TERT: variants seen among roughly 807,000 people sequenced by gnomAD.
The protein encoded by TERT is telomerase reverse transcriptase, also known as telomerase catalytic subunit.
Under a neutral mutation model 104.0 loss-of-function variants are expected in TERT, and 42 were observed. The observed-to-expected ratio is 0.40, with a 90% CI of 0.32 to 0.52. TERT has a LOEUF of 0.52. Ranked by LOEUF, TERT falls within the 20% of genes least tolerant of loss-of-function variation. The pLI, the probability that TERT is intolerant of heterozygous loss-of-function variation, is 0.43. For missense variants in TERT, 1,101 were observed against 1,610.3 expected (o/e 0.68, Z 5.41); for synonymous variants, 781 against 725.6 (o/e 1.08, Z -1.23).
intron 2 of TERT, among the ~76,000 whole-genome samples, chr5:1,291,603 AGTG>A (rs1750975645): frequency 1.7e-3 from 7 of 4,020 alleles, no homozygotes; most frequent in Admixed American, 2.6e-3. Flanking sequence ...ACCCGGGGAC[AGTG>A]CCTCACTCAC....
rs1060503010 is a variant in TERT at position 1,280,201 on chromosome 5, A to G, written c.1907T>C (p.Met636Thr). 2.5e-6 allele frequency: 4 copies of G among 1,613,940 alleles called. No individual in the cohort carries two copies. Among genetic ancestry groups the G allele is most frequent in the Non-Finnish European group, 3.4e-6 (4 of 1,180,032 alleles). ...CGTTCTGGCTCCCACGACGTAGTCC[A>G]TGTTCACAATCGGCCGCAGCCCGTC... ...KPDGLRPIVN[M>T]DYVVGARTFR... The change falls in exon 4 of 16, where the codon ATG (methionine) becomes ACG (threonine). Residue 636 changes from methionine to threonine, a missense_variant. By Grantham distance (81) the Met-to-Thr change is moderately conservative. Transcript: ENST00000310581.
intron 10 of TERT, among the ~76,000 whole-genome samples, chr5:1,266,015 C>T (rs112601587): frequency 3.2e-4 from 48 of 152,348 alleles, no homozygotes; most frequent in Admixed American, 8.5e-4. Flanking sequence ...CACGCAGGAA[C>T]GTGACCGCAG....
rs1747661483 is a variant in TERT at position 1,255,500 on chromosome 5, G to C, written c.3033-89C>G. Reference sequence around the variant, plus strand: ...GGCATGGGCCCACCGGTGCCTGTGTGCGTGCATGAATGCACATGCATGGGT... The same window carrying C: ...GGCATGGGCCCACCGGTGCCTGTGTCCGTGCATGAATGCACATGCATGGGT... On this transcript the variant is annotated intron_variant, in intron 13 of 15. Transcript: ENST00000310581. This position sits in a 1 kb window ranked among gnomAD's most constrained non-coding sequence, Gnocchi z 6.9. 1.3e-6 allele frequency: 2 copies of C among 1,560,918 alleles called. No individual in the cohort carries two copies. Among genetic ancestry groups the C allele is most frequent in the Admixed American group, 1.7e-5 (1 of 59,082 alleles).
At chr5:1,272,601 C>T (rs1304044280) in intron 6 of TERT, among the ~76,000 whole-genome samples, 27 of 29,412 alleles carry the variant, frequency 9.2e-4, no homozygotes, top group Non-Finnish European at 1.7e-3. Context: ...CCGCCATCCA[C>T]AGTCACCACA....
chr5:1,279,631 G>A (rs896590989), intron 4 of TERT, among the ~76,000 whole-genome samples, 161 bp from the exon 5 acceptor site: 6 of 152,158 alleles, frequency 3.9e-5, no homozygotes, highest in African/African-American at 1.2e-4. Context: ...TGTTTGAAAC[G>A]GGTTCCTGGC....
intron 11 of TERT, among the ~76,000 whole-genome samples, chr5:1,264,007 C>T (rs575053357): frequency 2.0e-5 from 3 of 152,070 alleles, no homozygotes; most frequent in Non-Finnish European, 2.9e-5. Context: ...GAGAGACTCA[C>T]GCCCAGCAGG....
At chr5:1,267,178 G>A (rs1402900836) in intron 9 of TERT, among the ~76,000 whole-genome samples, 1 of 152,198 alleles carries the variant, frequency 6.6e-6, no homozygotes, top group South Asian at 2.1e-4. Context: ...GAAGAACCTT[G>A]ATCCACTGTA....
rs1203141544 is a variant in TERT, at chr5:1,270,460, G to A, written c.2468+659C>T. ...GGCAGATGCCTGCCGGGAGGTGTGT[G>A]GTTTTACTTAAAATCCAGAGGACGT... On this transcript the variant is annotated intron_variant, in intron 8 of 15. Transcript: ENST00000310581. This position sits in a 1 kb window ranked among gnomAD's most constrained non-coding sequence, Gnocchi z 8.3. 6.6e-6 allele frequency among the ~76,000 whole-genome samples: 1 copy of A among 152,168 alleles called. No homozygotes were observed. The highest frequency in any genetic ancestry group is 1.5e-5 in the Non-Finnish European group (1 of 68,024).
intron 6 of TERT, among the ~76,000 whole-genome samples, chr5:1,272,585 CTACGACCG>C (rs1749147165): frequency 1.8e-4 from 7 of 38,912 alleles, no homozygotes; most frequent in Admixed American, 2.2e-4. Flanking sequence ...ACATCAGACC[CTACGACCG>C]CCATCCACAG....
In TERT at chr5:1,286,566, T is replaced by A. The variant is rs1357155317; in HGVS notation, c.1574-3942A>T. Among the ~76,000 whole-genome samples, 1 of 152,124 alleles carries A rather than the reference T, an allele frequency of 6.6e-6. No individual in the cohort carries two copies. Among genetic ancestry groups the A allele is most frequent in the Non-Finnish European group, 1.5e-5 (1 of 68,032 alleles). ...ATTGCTCAGGACAAGGGTAGCAATG[T>A]TTCAGACTTCATTTTAAAAGATCAA... On this transcript the variant is annotated intron_variant, in intron 2 of 15. Coordinates refer to ENST00000310581, the MANE Select transcript of TERT (RefSeq NM_198253.3). The surrounding 1 kb of genome is among the most constrained non-coding windows in gnomAD (Gnocchi z 5.3).
At chr5:1,259,984 C>A (rs1163657332) in intron 12 of TERT, among the ~76,000 whole-genome samples, 1 of 151,942 alleles carries the variant, frequency 6.6e-6, no homozygotes, top group Admixed American at 6.5e-5. Context: ...CAGAAGCCCA[C>A]AGGAGAGGGA....
Position 1,286,648 on chromosome 5 carries a change from C to T in TERT, c.1574-4024G>A, listed in dbSNP as rs138017997. Reference sequence around the variant, plus strand: ...ATCCCAGCACTGTGGGAGGCCAAGGCGGGCAGATCACTTGAGGTCAGGAGT... The same window carrying T: ...ATCCCAGCACTGTGGGAGGCCAAGGTGGGCAGATCACTTGAGGTCAGGAGT... On this transcript the variant is annotated intron_variant, in intron 2 of 15. Transcript: ENST00000310581. This position sits in a 1 kb window ranked among gnomAD's most constrained non-coding sequence, Gnocchi z 5.3. 9.9e-4 allele frequency among the ~76,000 whole-genome samples: 150 copies of T among 152,194 alleles called. No homozygotes were observed. Among genetic ancestry groups the T allele is most frequent in the African/African-American group, 3.0e-3 (123 of 41,512 alleles).
Position 1,263,694 on chromosome 5 carries a change from C to T in TERT, c.2843+710G>A, listed in dbSNP as rs1490168810. On this transcript the variant is annotated intron_variant, in intron 11 of 15. Transcript: ENST00000310581. This position sits in a 1 kb window ranked among gnomAD's most constrained non-coding sequence, Gnocchi z 5.3. ...GTGCTGGGATTATAGGTGTGAGCCA[C>T]CTTGCCCTGCCTGGAATGTTGATAC... Among the ~76,000 whole-genome samples the T allele has an allele frequency of 3.6e-4, 55 of 152,238 alleles. No individual in the cohort carries two copies. Among genetic ancestry groups the T allele is most frequent in the Non-Finnish European group, 1.3e-4 (9 of 68,044 alleles).
intron 2 of TERT, among the ~76,000 whole-genome samples, chr5:1,285,110 A>C (rs1156713163): frequency 1.3e-5 from 1 of 78,612 alleles, no homozygotes; most frequent in African/African-American, 4.5e-5. Context: ...TCCAGCTCAC[A>C]GCAGGGCCTG....
At chr5:1,291,609 TCACTCACCCTGCACG>T (rs1750977721) in intron 2 of TERT, among the ~76,000 whole-genome samples, 1 of 130,204 alleles carries the variant, frequency 7.7e-6, no homozygotes, top group Non-Finnish European at 1.7e-5. Context: ...GGACAGTGCC[TCACTCACCCTGCACG>T]GGACAGGGAC....
At chr5:1,264,738 T>C (rs1748474875) in intron 10 of TERT, 146 bp from the exon 11 acceptor site, 3 of 928,298 alleles carry the variant, frequency 3.2e-6, no homozygotes, top group African/African-American at 1.6e-5. Flanking sequence ...CTGAGGAGCC[T>C]GGACCCAGCC....
intron 9 of TERT, among the ~76,000 whole-genome samples, chr5:1,267,654 A>C (rs1748709594): frequency 6.6e-6 from 1 of 152,256 alleles, no homozygotes; most frequent in African/African-American, 2.4e-5. Context: ...CTATGCAGTC[A>C]TAAAAAAGGA....
chr5:1,294,441 G>C lies in TERT; in HGVS notation c.445C>G (p.Leu149Val). The C allele has an allele frequency of 6.3e-7, 1 of 1,592,342 alleles. No individual in the cohort carries two copies. Among genetic ancestry groups the C allele is most frequent in the Non-Finnish European group, 8.5e-7 (1 of 1,177,266 alleles). The change falls in exon 2 of 16, where the codon CTG (leucine) becomes GTG (valine). Residue 149 changes from leucine to valine, a missense_variant. Physicochemically the swap from Leu to Val is conservative, Grantham distance 32. Coordinates refer to ENST00000310581, the MANE Select transcript of TERT (RefSeq NM_198253.3). Reference protein sequence around the residue: ...LLLRRVGDDVLVHLLARCALF... With the variant: ...LLLRRVGDDVVVHLLARCALF... ...GCGCAGCGTGCCAGCAGGTGAACCA[G>C]CACGTCGTCGCCCACGCGGCGCAGC...
In TERT at chr5:1,285,371, C is replaced by A. The variant is rs973431705; in HGVS notation, c.1574-2747G>T. Among the ~76,000 whole-genome samples, 45 of 151,662 alleles carry A rather than the reference C, an allele frequency of 3.0e-4. 3 individuals carry two copies. ...CCATGGGAAGCCCAGCAGGTCCAGG[C>A]CGAGATGGCCACGCACGGGACCTAC... On this transcript the variant is annotated intron_variant, in intron 2 of 15. Transcript: ENST00000310581.
Sources: gnomAD v4.1 joint callset for allele counts (sites outside exome capture counted in the v4.1 genomes callset) on GRCh38, gnomAD v4.1.1 for gene constraint, Gnocchi (gnomAD v3.1) non-coding constraint, MANE v1.5 for transcripts, NCBI Gene and HGNC (gene_info 2026-07-23, HGNC 2026-07-21) for gene names.